The following BAHCC1 variants were observed in gnomAD, a reference collection of about 807,000 sequenced individuals.
The protein encoded by BAHCC1 is BAH and coiled-coil domain-containing protein 1.
Under a neutral mutation model 88.2 loss-of-function variants are expected in BAHCC1, and 43 were observed. The ratio of observed to expected loss-of-function variants is 0.49; its 90% CI spans 0.38 to 0.63. The LOEUF is 0.63. Ranked by LOEUF, BAHCC1 falls within the 20% of genes least tolerant of loss-of-function variation. The pLI is 0.00. For missense variants in BAHCC1, 3,023 were observed against 1,654.8 expected, an observed-to-expected ratio of 1.83 and a Z score of -14.34; for synonymous variants, 1,510 against 745.5, an observed-to-expected ratio of 2.03 and a Z score of -16.71.
At chr17:81,398,393 G>A (rs1452660685) in intron 1 of BAHCC1, among the ~76,000 whole-genome samples, 2 of 152,182 alleles carry the variant, frequency 1.3e-5, no homozygotes, top group African/African-American at 4.8e-5. Flanking sequence ...GCCGAGGTCC[G>A]GGCAGGGTCT....
At position 81,424,924 on chromosome 17, in the gene BAHCC1, T is replaced by A. The variant is rs1213126683; in HGVS notation, c.179-1876T>A. Among the ~76,000 whole-genome samples the A allele has an allele frequency of 8.8e-5, 13 of 147,912 alleles. No individual in the cohort carries two copies. The East Asian group carries it at 2.5e-3, about 28-fold the overall frequency. ...GTTGGTGGTGATGTGGTTGGTGTGA[T>A]GTGGTTGGTGCTGATAGTGGTGGGT... On this transcript the variant is annotated intron_variant, in intron 2 of 27. Transcript: ENST00000675386.
intron 2 of BAHCC1, among the ~76,000 whole-genome samples, chr17:81,421,705 C>T (rs2143360179): frequency 6.6e-6 from 1 of 152,352 alleles, no homozygotes; most frequent in Admixed American, 6.5e-5. Context: ...CGGGCAGAGG[C>T]TCTTCCCCTG....
Position 81,458,962 on chromosome 17 carries a change from C to T in BAHCC1, c.5598C>T (p.Ala1866=), listed in dbSNP as rs190483037. 8.3e-5 allele frequency: 61 copies of T among 736,974 alleles called. No individual in the cohort carries two copies. The highest frequency in any genetic ancestry group is 2.2e-4 in the Admixed American group (12 of 54,370). The allele number at this position is 736,974 out of a possible 1,614,324, so 45.7% of individuals were successfully genotyped here. ...GCCCTCTGAGCGCAGAGCAGAGCGC[C>T]GCCCTAGGTGAGCAGGGCCAGGAAG... is the stretch of plus-strand genomic sequence containing the variant. ...DSGPLSAEQS[A]ALARSCAIHK... is the part of the protein sequence containing the mutation. Residue 1866 remains alanine, a synonymous_variant, in exon 20 of 28, where the codon GCC becomes GCT. Coordinates refer to ENST00000675386, the MANE Select transcript of BAHCC1 (RefSeq NM_001377448.1).
chr17:81,433,576 A>G (rs377363387), intron 3 of BAHCC1, among the ~76,000 whole-genome samples: 12 of 142,588 alleles, frequency 8.4e-5, no homozygotes, highest in African/African-American at 2.7e-4. Context: ...GGCAGGTGTC[A>G]TCAGTCCACC....
chr17:81,463,559 G>C, intron 27 of BAHCC1, 52 bp from the exon 28 acceptor site: 7 of 773,062 alleles, frequency 9.1e-6, no homozygotes, highest in Admixed American at 1.7e-5. Context: ...TGGCTGGGCA[G>C]GGGCGCACTG....
chr17:81,420,705 G>A (rs1014427272), intron 2 of BAHCC1, among the ~76,000 whole-genome samples: 5 of 152,244 alleles, frequency 3.3e-5, no homozygotes, highest in Non-Finnish European at 7.3e-5. Flanking sequence ...CTGCAAACCC[G>A]GCCTGGGCCG....
intron 2 of BAHCC1, among the ~76,000 whole-genome samples, chr17:81,404,747 T>C (rs946717011): frequency 6.6e-6 from 1 of 152,224 alleles, no homozygotes; most frequent in South Asian, 2.1e-4. Context: ...GCATAAATAA[T>C]GTGCGAGCGC....
In BAHCC1 at chr17:81,442,382, C is replaced by T. The variant is rs782323011; in HGVS notation, c.1033C>T (p.His345Tyr). Reference protein sequence around the residue: ...SECLERRQMLHHTASYAGPPP... With the variant: ...SECLERRQMLYHTASYAGPPP... ...GTGCCTGGAGCGGCGGCAGATGCTA[C>T]ACCACACCGCATCCTACGCCGGGCC... Residue 345 changes from histidine to tyrosine, a missense_variant, in exon 5 of 28, where the codon CAC (histidine) becomes TAC (tyrosine). Transcript: ENST00000675386. 13 of 703,652 alleles carry T rather than the reference C, an allele frequency of 1.8e-5. No individual in the cohort carries two copies. Among genetic ancestry groups the T allele is most frequent in the South Asian group, 1.1e-4 (7 of 66,612 alleles). The allele number at this position is 703,652 out of a possible 1,614,324, so 43.6% of individuals were successfully genotyped here.
In BAHCC1 at chr17:81,460,236, A is replaced by G. The variant is rs782465842; in HGVS notation, c.5906-41A>G. 6.3e-5 allele frequency: 46 copies of G among 728,634 alleles called. 1 individual carries two copies. The South Asian group carries it at 6.4e-4, about 10-fold the overall frequency. The allele number at this position is 728,634 out of a possible 1,614,324, so 45.1% of individuals were successfully genotyped here. ...CCCCGCCTCCCTGTTTCGGGCGCCT[A>G]CTGGGGGTTCCAGCTGCAAGCTCAG... is the stretch of plus-strand genomic sequence containing the variant. On this transcript the variant is annotated intron_variant, in intron 23 of 27. Transcript: ENST00000675386.
chr17:81,408,324 A>G (rs1279867837), intron 2 of BAHCC1, among the ~76,000 whole-genome samples: 1 of 151,700 alleles, frequency 6.6e-6, no homozygotes, highest in Admixed American at 6.6e-5. Flanking sequence ...GGCCACCTCC[A>G]CCCCAGGCCT....
In BAHCC1 at chr17:81,447,318, G is replaced by A; in HGVS notation, c.3446G>A (p.Ser1149Asn). 1.3e-6 allele frequency: 1 copy of A among 743,672 alleles called. No individual in the cohort carries two copies. Among genetic ancestry groups the A allele is most frequent in the South Asian group, 1.4e-5 (1 of 69,680 alleles). 46.1% of individuals were successfully genotyped at this position (743,672 alleles called of 1,614,324 possible). A position where few individuals can be genotyped will look rare whatever the true frequency, so the allele number is the denominator to read the frequency against. The change falls in exon 11 of 28, where the codon AGC becomes AAC. Residue 1149 changes from serine (S) to asparagine (N), a missense_variant. Coordinates refer to ENST00000675386, the MANE Select transcript of BAHCC1 (RefSeq NM_001377448.1). ...RGPQGKAADPSPLEGLQELQC... is the reference protein window; with the variant it reads ...RGPQGKAADPNPLEGLQELQC... ...CCCCAGGGGAAGGCAGCGGACCCCA[G>A]CCCACTAGAGGGGCTACAAGAACTG...
At chr17:81,400,549 C>T (rs1325138233) in intron 2 of BAHCC1, among the ~76,000 whole-genome samples, 2 of 152,222 alleles carry the variant, frequency 1.3e-5, no homozygotes, top group Non-Finnish European at 2.9e-5. Context: ...GCGGCCCAGC[C>T]TCTCAGCCTG....
rs148091224 is a variant in BAHCC1, at chr17:81,399,315, C to T, written c.-206-219C>T. ...CCGGCTGCCCCGGGCCAAGCGTGGC[C>T]GGGACGGTGCGTGCGCGCGCGGGGC... On this transcript the variant is annotated intron_variant, in intron 1 of 27. Transcript: ENST00000675386. The surrounding 1 kb of genome is among the most constrained non-coding windows in gnomAD (Gnocchi z 4.5). 3,588 of 249,656 alleles carry T rather than the reference C, an allele frequency of 0.014. 48 individuals carry two copies. Among genetic ancestry groups the T allele is most frequent in the Middle Eastern group, 0.031 (23 of 746 alleles). The allele number at this position is 249,656 out of a possible 1,614,324, so 15.5% of individuals were successfully genotyped here. A position where few individuals can be genotyped will look rare whatever the true frequency, so the allele number is the denominator to read the frequency against.
In BAHCC1 at chr17:81,452,718, C is replaced by T. The variant is rs781925528; in HGVS notation, c.4317-5C>T. 1 of 750,974 alleles carries T rather than the reference C, an allele frequency of 1.3e-6. No homozygotes were observed. Among genetic ancestry groups the T allele is most frequent in the Admixed American group, 1.8e-5 (1 of 54,320 alleles). 46.5% of individuals were successfully genotyped at this position (750,974 alleles called of 1,614,324 possible). On this transcript the variant is annotated splice_polypyrimidine_tract_variant and splice_region_variant and intron_variant, in intron 13 of 27. Coordinates refer to ENST00000675386, the MANE Select transcript of BAHCC1 (RefSeq NM_001377448.1). ...GCCTCTGACCATCCCCCCTGCGGCCCCCAGGAGAGACGAGAGTTCACGGAG... is the reference window on the plus strand; with the variant it reads ...GCCTCTGACCATCCCCCCTGCGGCCTCCAGGAGAGACGAGAGTTCACGGAG...
chr17:81,397,116 G>C (rs1024273468), intron 1 of BAHCC1: 1 of 152,056 alleles, frequency 6.6e-6, no homozygotes, highest in Non-Finnish European at 1.5e-5. Context: ...AGCCCGGCGC[G>C]GGCAGACGCG....
At position 81,447,170 on chromosome 17, in the gene BAHCC1, A is replaced by G. The variant is rs1300248478; in HGVS notation, c.3298A>G (p.Thr1100Ala). The change falls in exon 11 of 28, where the codon ACA (threonine) becomes GCA (alanine). Residue 1100 changes from threonine (T) to alanine (A), a missense_variant. By Grantham distance (58) the Thr-to-Ala change is moderately conservative (BLOSUM62 0). Transcript: ENST00000675386. Reference sequence around the variant, plus strand: ...GGGGGCCCAGCCTGAGCCCACAAGGACATTCCTGCCTGGGGAGCCGCCTCC... The same window carrying G: ...GGGGGCCCAGCCTGAGCCCACAAGGGCATTCCTGCCTGGGGAGCCGCCTCC... ...APGAQPEPTR[T>A]FLPGEPPPCS... 19 of 775,290 alleles carry G rather than the reference A, an allele frequency of 2.5e-5. No individual in the cohort carries two copies. The highest frequency in any genetic ancestry group is 4.6e-5 in the Non-Finnish European group (19 of 416,152). 48.0% of individuals were successfully genotyped at this position (775,290 alleles called of 1,614,324 possible).
Position 81,447,669 on chromosome 17 carries a change from C to T in BAHCC1, c.3797C>T (p.Ala1266Val), listed in dbSNP as rs2064558032. 1.4e-6 allele frequency: 1 copy of T among 739,054 alleles called. No homozygotes were observed. The highest frequency in any genetic ancestry group is 1.7e-5 in the African/African-American group (1 of 58,112). The allele number at this position is 739,054 out of a possible 1,614,324, so 45.8% of individuals were successfully genotyped here. ...CCAGGCCTGGATGCCTTGGTGGCCGCCACCATCAACCTGGGGGACCTGCCC... is the reference window on the plus strand; with the variant it reads ...CCAGGCCTGGATGCCTTGGTGGCCGTCACCATCAACCTGGGGGACCTGCCC... ...ALPGLDALVA[A>V]TINLGDLPSD... The change falls in exon 11 of 28, where the codon GCC becomes GTC. Residue 1266 changes from alanine to valine, a missense_variant. By Grantham distance (64) the Ala-to-Val change is moderately conservative. Coordinates refer to ENST00000675386, the MANE Select transcript of BAHCC1 (RefSeq NM_001377448.1).
At chr17:81,438,256 C>T (rs2064363397) in intron 3 of BAHCC1, 114 bp from the exon 4 acceptor site, 2 of 701,856 alleles carry the variant, frequency 2.8e-6, no homozygotes, top group South Asian at 3.0e-5. Flanking sequence ...GTGCTGGGCT[C>T]TGCGGGACAT....
In BAHCC1 at chr17:81,452,795, G is replaced by T; in HGVS notation, c.4389G>T (p.Ser1463=). 1 of 738,826 alleles carries T rather than the reference G, an allele frequency of 1.4e-6. No individual in the cohort carries two copies. Among genetic ancestry groups the T allele is most frequent in the Non-Finnish European group, 2.5e-6 (1 of 402,814 alleles). 45.8% of individuals were successfully genotyped at this position (738,826 alleles called of 1,614,324 possible). ...GRPRKRKHSS[S]LPAPRPTGPL... ...CGAGGAAGCGCAAACACTCAAGCTCGCTGCCTGCCCCACGTCCCACGGGGC... is the reference window on the plus strand; with the variant it reads ...CGAGGAAGCGCAAACACTCAAGCTCTCTGCCTGCCCCACGTCCCACGGGGC... Residue 1463 remains serine (S), a synonymous_variant, in exon 14 of 28, where the codon TCG becomes TCT. Transcript: ENST00000675386.
Sources: allele counts gnomAD v4.1 joint callset (sites outside exome capture counted in the v4.1 genomes callset), GRCh38; gene constraint gnomAD v4.1.1; non-coding constraint Gnocchi (gnomAD v3.1); transcripts MANE v1.5; gene names NCBI Gene and HGNC (gene_info 2026-07-23, HGNC 2026-07-21).